Variants in EP400 observed in about 807,000 individuals in gnomAD.
The protein encoded by EP400 is E1A binding protein p400, also known as E1A-binding protein p400.
EP400 carries 105 observed loss-of-function variants against 354.1 expected under a neutral mutation model. The ratio of observed to expected loss-of-function variants is 0.30; its 90% CI spans 0.25 to 0.35. The LOEUF is 0.35. Ranked by LOEUF, EP400 falls within the 10% of genes least tolerant of loss-of-function variation. EP400 has a pLI of 1.00. For synonymous variants in EP400, 1,646 were observed against 1,716.9 expected, an observed-to-expected ratio of 0.96 and a Z score of 1.02; for missense variants, 3,280 against 4,121.0, an observed-to-expected ratio of 0.80 and a Z score of 5.59.
rs1342073046 is a variant in EP400 at position 132,028,208 on chromosome 12, C to G, written c.5301C>G (p.Tyr1767Ter). ...RGKEAGPAHS[Y>*]TSSSESPSEL... ...AGGAGGCCGGGCCAGCGCACAGTTA[C>G]ACTTCATCCTCAGAAAGTCCAAGTG... Residue 1767 changes from tyrosine (Y) to a stop codon, truncating the protein, a stop_gained, in exon 27 of 53, where the codon TAC (tyrosine) becomes TAG (stop). Transcript: ENST00000389561. LOFTEE classifies it high-confidence loss of function. 6.2e-7 allele frequency: 1 copy of G among 1,614,192 alleles called. No individual in the cohort carries two copies.
intron 45 of EP400, among the ~76,000 whole-genome samples, chr12:132,061,467 G>T (rs1208181552): frequency 2.0e-5 from 3 of 152,248 alleles, no homozygotes; most frequent in African/African-American, 7.2e-5. Context: ...AAGGGAGCTG[G>T]CAGAGGTCAG....
intron 48 of EP400, chr12:132,065,848 G>C (rs1177601998): frequency 6.6e-6 from 1 of 152,254 alleles, no homozygotes; most frequent in African/African-American, 2.4e-5. Flanking sequence ...AGGGTACCGG[G>C]TTCTTGTTGG....
chr12:132,046,547 T>A (rs1895103910), intron 39 of EP400, among the ~76,000 whole-genome samples: 1 of 152,230 alleles, frequency 6.6e-6, no homozygotes, highest in Non-Finnish European at 1.5e-5. Context: ...ACTATAAGTA[T>A]TGCAAATGTT....
chr12:132,047,225 A>G (rs941919730), intron 39 of EP400, among the ~76,000 whole-genome samples: 1 of 152,100 alleles, frequency 6.6e-6, no homozygotes, highest in East Asian at 1.9e-4. Flanking sequence ...TCGTAATACC[A>G]CTTTGTGGTC....
chr12:131,969,688 C>G lies in EP400; in HGVS notation c.1335+7734C>G, dbSNP rs141323269. Among the ~76,000 whole-genome samples the G allele has an allele frequency of 8.5e-3, 1,296 of 152,212 alleles. 13 individuals carry two copies. Among genetic ancestry groups the G allele is most frequent in the African/African-American group, 0.03 (1,247 of 41,522 alleles). On this transcript the variant is annotated intron_variant, in intron 2 of 52. Coordinates refer to ENST00000389561, the MANE Select transcript of EP400 (RefSeq NM_015409.5). Reference sequence around the variant, plus strand: ...GCCATTTCGACAAAGAGCCTGGTTCCTTTCGGTGGGGAATAGTAATTTGAT... The same window carrying G: ...GCCATTTCGACAAAGAGCCTGGTTCGTTTCGGTGGGGAATAGTAATTTGAT...
chr12:132,062,789 A>G (rs980868642), intron 47 of EP400, 88 bp downstream of exon 47: 129 of 1,525,652 alleles, frequency 8.5e-5, no homozygotes, highest in Middle Eastern at 5.2e-4. Flanking sequence ...TGCATGGTGC[A>G]GTCCAGAGTG....
intron 13 of EP400, 51 bp downstream of exon 13, chr12:132,005,235 T>A (rs766025471): frequency 6.6e-6 from 9 of 1,360,924 alleles, no homozygotes; most frequent in Non-Finnish European, 8.9e-6. Context: ...GAAGCCGGAG[T>A]ACTTACAAAG....
At chr12:132,065,353 T>TAATGATAC in intron 48 of EP400, 2 of 163,688 alleles carry the variant, frequency 1.2e-5, no homozygotes, top group Admixed American at 5.8e-5. Context: ...AAGTGCTGTC[T>TAATGATAC]GGGAAGACTG....
intron 13 of EP400, among the ~76,000 whole-genome samples, 156 bp from the exon 14 acceptor site, chr12:132,005,956 C>T (rs2136523522): frequency 6.6e-6 from 1 of 152,278 alleles, no homozygotes; most frequent in Middle Eastern, 3.4e-3. Context: ...ATCCAGGTAG[C>T]ATTGTTAGAT....
chr12:132,057,669 C>CT (rs1194199398), intron 45 of EP400, among the ~76,000 whole-genome samples: 2 of 152,170 alleles, frequency 1.3e-5, no homozygotes, highest in Non-Finnish European at 2.9e-5. Context: ...TAGTATGTGA[C>CT]TTTAAGATTA....
intron 15 of EP400, 112 bp downstream of exon 15, chr12:132,006,989 T>A (rs1245380403): frequency 8.1e-7 from 1 of 1,230,140 alleles, no homozygotes; most frequent in African/African-American, 1.5e-5. Flanking sequence ...TCTTTGCTCC[T>A]ATCTGTTGAC....
intron 2 of EP400, chr12:131,963,597 G>A (rs539593927): frequency 1.4e-5 from 23 of 1,598,250 alleles, no homozygotes; most frequent in Middle Eastern, 3.3e-4. Flanking sequence ...CCCAGCTTCC[G>A]CCAAAGGTTT....
Position 132,021,159 on chromosome 12 carries a change from G to T in EP400, c.4528G>T (p.Ala1510Ser). ...GCCCGCCTCGGCCTCCAGCACAGCCGCTAGCCCGGCCCATCCTGCGAAACT... is the reference window on the plus strand; with the variant it reads ...GCCCGCCTCGGCCTCCAGCACAGCCTCTAGCCCGGCCCATCCTGCGAAACT... The part of the protein sequence containing the change: ...HQPASASSTA[A>S]SPAHPAKLRA... The change falls in exon 23 of 53, where the codon GCT becomes TCT. Residue 1510 changes from alanine (A) to serine (S), a missense_variant. By Grantham distance (99) the Ala-to-Ser change is moderately conservative. Coordinates refer to ENST00000389561, the MANE Select transcript of EP400 (RefSeq NM_015409.5). The T allele has an allele frequency of 6.2e-7, 1 of 1,600,860 alleles. No homozygotes were observed. The highest frequency in any genetic ancestry group is 8.5e-7 in the Non-Finnish European group (1 of 1,179,752).
chr12:131,956,121 G>A (rs940509925), intron 1 of EP400, among the ~76,000 whole-genome samples: 1 of 152,130 alleles, frequency 6.6e-6, no homozygotes, highest in African/African-American at 2.4e-5. Context: ...CTCCTTGTCC[G>A]GAATGTCATG....
intron 43 of EP400, among the ~76,000 whole-genome samples, chr12:132,053,949 C>T (rs890782707): frequency 1.4e-4 from 22 of 152,222 alleles, no homozygotes; most frequent in Non-Finnish European, 2.2e-4. Context: ...TTCCTACACA[C>T]TTAGAGAGCA....
At chr12:132,040,574 G>A (rs1167449729) in intron 32 of EP400, among the ~76,000 whole-genome samples, 2 of 152,200 alleles carry the variant, frequency 1.3e-5, no homozygotes, top group African/African-American at 4.8e-5. Context: ...TTGTCTTACT[G>A]TGTGTCAGGC....
intron 50 of EP400, 140 bp from the exon 51 acceptor site, chr12:132,069,355 T>C: frequency 8.4e-7 from 1 of 1,191,828 alleles, no homozygotes; most frequent in South Asian, 1.5e-5. Flanking sequence ...GGGCAGGAGA[T>C]GTGGGTATGC....
chr12:132,038,726 A>G lies in EP400; in HGVS notation c.6207+630A>G, dbSNP rs1894796154. The stretch of plus-strand genomic sequence containing the variant: ...GGGTGCTGCTGTGTAGACATGTCAC[A>G]GACCCGTCACGGGGCCGCTGTTCCC... On this transcript the variant is annotated intron_variant, in intron 32 of 52. Coordinates refer to ENST00000389561, the MANE Select transcript of EP400 (RefSeq NM_015409.5). This position sits in a 1 kb window ranked among gnomAD's most constrained non-coding sequence, Gnocchi z 4.2. Among the ~76,000 whole-genome samples the G allele has an allele frequency of 1.3e-5, 2 of 152,210 alleles. No homozygotes were observed. Among genetic ancestry groups the G allele is most frequent in the African/African-American group, 4.8e-5 (2 of 41,452 alleles).
chr12:131,981,449 T>G, intron 3 of EP400, 40 bp from the exon 4 acceptor site: 1 of 1,489,714 alleles, frequency 6.7e-7, no homozygotes. Flanking sequence ...TCTGGTTTTA[T>G]TTTTACATCA....
Sources: gnomAD v4.1 joint callset for allele counts (sites outside exome capture counted in the v4.1 genomes callset) on GRCh38, gnomAD v4.1.1 for gene constraint, Gnocchi (gnomAD v3.1) non-coding constraint, MANE v1.5 for transcripts, NCBI Gene and HGNC (gene_info 2026-07-23, HGNC 2026-07-21) for gene names.